Variants in TP73 observed in about 807,000 individuals in gnomAD.
TP73 encodes tumor protein p73, also known as p53-like transcription factor.
Under a neutral mutation model 62.5 loss-of-function variants are expected in TP73, and 25 were observed. The ratio of observed to expected loss-of-function variants is 0.40; its 90% confidence interval spans 0.29 to 0.56. The LOEUF (loss-of-function observed/expected upper bound fraction) is 0.56, where lower values mean the gene tolerates loss of function less well. Ranked by LOEUF, TP73 falls within the 20% of genes least tolerant of loss-of-function variation. The pLI, the probability that TP73 is intolerant of heterozygous loss-of-function variation, is 0.46. For missense variants in TP73, 754 were observed against 913.3 expected (o/e 0.83, Z 2.25); for synonymous variants, 423 against 377.5 (o/e 1.12, Z -1.40).
rs116847685 is a variant in TP73 at position 3,714,982 on chromosome 1, G to A, written c.430-7039G>A. 3.0e-4 allele frequency among the ~76,000 whole-genome samples: 46 copies of A among 152,354 alleles called. No homozygotes were observed. The East Asian group carries it at 7.1e-3, about 24-fold the overall frequency. ...AGTAGCAGCCACAGGGCACCCGCAC[G>A]CGGTCTCAGTGAATCAGGACAGCGG... On this transcript the variant is annotated intron_variant, in intron 4 of 13. Coordinates refer to ENST00000378295, the MANE Select transcript of TP73 (RefSeq NM_005427.4).
At chr1:3,690,500 C>A (rs912161463) in intron 3 of TP73, among the ~76,000 whole-genome samples, 2 of 152,220 alleles carry the variant, frequency 1.3e-5, no homozygotes, top group South Asian at 2.1e-4. Flanking sequence ...GGCAGCATCT[C>A]GGAAGGAGCC....
intron 3 of TP73, among the ~76,000 whole-genome samples, chr1:3,689,512 G>A (rs1286764838): frequency 1.3e-5 from 2 of 152,104 alleles, no homozygotes; most frequent in Admixed American, 1.3e-4. Flanking sequence ...TGCTGGTGGG[G>A]CAGGGCGGGT....
intron 1 of TP73, among the ~76,000 whole-genome samples, chr1:3,664,153 G>A (rs530870887): frequency 5.7e-4 from 87 of 152,318 alleles, no homozygotes; most frequent in African/African-American, 2.0e-3. Context: ...GTCTGGGCAC[G>A]GGCCCCTGGG....
At chr1:3,665,110 G>C (rs1645081842) in intron 1 of TP73, among the ~76,000 whole-genome samples, 1 of 152,180 alleles carries the variant, frequency 6.6e-6, no homozygotes. Context: ...TGCTATCACA[G>C]TCTTTGCCGG....
chr1:3,709,403 C>G (rs1028391278), intron 4 of TP73, among the ~76,000 whole-genome samples: 2 of 152,242 alleles, frequency 1.3e-5, no homozygotes, highest in African/African-American at 2.4e-5. Flanking sequence ...ACGCACCTTA[C>G]TGCACGATGG....
Position 3,719,909 on chromosome 1 carries a change from T to TGTGTGTGTGTGTTC in TP73, c.430-2100_430-2099insTCGTGTGTGTGTGT, listed in dbSNP as rs1553144507. On this transcript the variant is annotated intron_variant, in intron 4 of 13. Transcript: ENST00000378295. ...TTCTCTTTGTGTGTGTGTGTGTGTG[T>TGTGTGTGTGTGTTC]GTGTGTGTGTGTGTGTGTGTGTGTG... is the stretch of plus-strand genomic sequence containing the variant. Among the ~76,000 whole-genome samples the TGTGTGTGTGTGTTC allele has an allele frequency of 2.3e-3, 340 of 150,932 alleles. 1 individual carries two copies. Among genetic ancestry groups the TGTGTGTGTGTGTTC allele is most frequent in the African/African-American group, 8.0e-3 (328 of 40,968 alleles).
At chr1:3,658,287 CT>C (rs1342717576) in intron 1 of TP73, among the ~76,000 whole-genome samples, 3 of 152,216 alleles carry the variant, frequency 2.0e-5, no homozygotes, top group African/African-American at 7.2e-5. Context: ...GGAAAGTTGC[CT>C]CCCTCTTCCC....
chr1:3,666,744 C>T lies in TP73; in HGVS notation c.-34+14103C>T, dbSNP rs1028551749. 5.9e-5 allele frequency among the ~76,000 whole-genome samples: 9 copies of T among 152,098 alleles called. No individual in the cohort carries two copies. The highest frequency in any genetic ancestry group is 4.1e-4 in the South Asian group (2 of 4,830). ...CAGCTCGGAAGTGAGTAAGCATTGG[C>T]GGTGGGGATGGTGCTCTGAGCAGAC... On this transcript the variant is annotated intron_variant, in intron 1 of 13. Transcript: ENST00000378295. The surrounding 1 kb of genome is among the most constrained non-coding windows in gnomAD (Gnocchi z 6.4).
In TP73 at chr1:3,666,124, C is replaced by CAAAAA. The variant is rs59432695; in HGVS notation, c.-34+13506_-34+13510dup. Among the ~76,000 whole-genome samples the CAAAAA allele has an allele frequency of 1.9e-4, 8 of 41,078 alleles. No individual in the cohort carries two copies. Among genetic ancestry groups the CAAAAA allele is most frequent in the Admixed American group, 7.0e-4 (2 of 2,856 alleles). The allele number at this position is 41,078 out of a possible 152,430, so 26.9% of individuals were successfully genotyped here. A position where few individuals can be genotyped will look rare whatever the true frequency, so the allele number is the denominator to read the frequency against. ...GGGCAACAAGAGCAAAACTCTGTCT[C>CAAAAA]AAAAAAAAAAAAAAAAAAAAAAAAA... On this transcript the variant is annotated intron_variant, in intron 1 of 13. Transcript: ENST00000378295. This position sits in a 1 kb window ranked among gnomAD's most constrained non-coding sequence, Gnocchi z 6.4.
chr1:3,674,582 C>A (rs1221256931), intron 1 of TP73, among the ~76,000 whole-genome samples: 1 of 152,344 alleles, frequency 6.6e-6, no homozygotes, highest in East Asian at 1.9e-4. Flanking sequence ...CCCATCGTAC[C>A]CACAGAGGGA....
chr1:3,682,798 T>C (rs1405608118), intron 2 of TP73, among the ~76,000 whole-genome samples: 1 of 152,168 alleles, frequency 6.6e-6, no homozygotes, highest in Non-Finnish European at 1.5e-5. Flanking sequence ...TCAGACTCTT[T>C]TCTCTGGCCA....
rs374235190 is a variant in TP73 at position 3,682,306 on chromosome 1, T to C, written c.-33-27T>C. 2.5e-5 allele frequency: 36 copies of C among 1,429,814 alleles called. No homozygotes were observed. The South Asian group carries it at 5.1e-4, about 20-fold the overall frequency. 88.6% of individuals were successfully genotyped at this position (1,429,814 alleles called of 1,614,324 possible). On this transcript the variant is annotated intron_variant, in intron 1 of 13. Transcript: ENST00000378295. Reference sequence around the variant, plus strand: ...GACAGAGCACGAGTTCCCAGGGTGCTCAGGTGTCATTCCTTCCTTCCTGCA... The same window carrying C: ...GACAGAGCACGAGTTCCCAGGGTGCCCAGGTGTCATTCCTTCCTTCCTGCA...
intron 3 of TP73, chr1:3,691,018 A>C (rs1193386697): frequency 6.5e-7 from 1 of 1,543,660 alleles, no homozygotes; most frequent in Non-Finnish European, 8.8e-7. Flanking sequence ...TAGGGTTCAG[A>C]GGGGCATCCT....
rs768562905 is a variant in TP73 at position 3,683,100 on chromosome 1, C to G, written c.106C>G (p.Arg36Gly). 6.2e-7 allele frequency: 1 copy of G among 1,612,250 alleles called. No homozygotes were observed. Among genetic ancestry groups the G allele is most frequent in the African/African-American group, 1.3e-5 (1 of 75,020 alleles). Residue 36 changes from arginine (R) to glycine (G), a missense_variant, in exon 3 of 14, where the codon CGG becomes GGG. Physicochemically the swap from Arg to Gly is moderately radical, Grantham distance 125. Around this residue, in one of 3 missense-constraint regions of TP73, gnomAD observed 235 missense variants for 251.4 expected, o/e 0.93. Coordinates refer to ENST00000378295, the MANE Select transcript of TP73 (RefSeq NM_005427.4). The stretch of plus-strand genomic sequence containing the variant: ...CTACTTCGACCTTCCCCAGTCAAGC[C>G]GGGGGAATAATGAGGTGGTGGGCGG... Reference protein sequence around the residue: ...STYFDLPQSSRGNNEVVGGTD... With the variant: ...STYFDLPQSSGGNNEVVGGTD...
rs1033119768 is a variant in TP73, at chr1:3,699,418, G to A, written c.187-8131G>A. ...AATATTCTCCAGGGAACGAGGACACGGACCTCCTTGTTCTACAAGAGCTGG... is the reference window on the plus strand; with the variant it reads ...AATATTCTCCAGGGAACGAGGACACAGACCTCCTTGTTCTACAAGAGCTGG... On this transcript the variant is annotated intron_variant, in intron 3 of 13. Coordinates refer to ENST00000378295, the MANE Select transcript of TP73 (RefSeq NM_005427.4). This position sits in a 1 kb window ranked among gnomAD's most constrained non-coding sequence, Gnocchi z 4.1. Among the ~76,000 whole-genome samples, 3 of 152,132 alleles carry A rather than the reference G, an allele frequency of 2.0e-5. No homozygotes were observed. Among genetic ancestry groups the A allele is most frequent in the Non-Finnish European group, 4.4e-5 (3 of 68,024 alleles).
chr1:3,676,969 A>G (rs752750563), intron 1 of TP73, among the ~76,000 whole-genome samples: 20 of 151,350 alleles, frequency 1.3e-4, no homozygotes, highest in Non-Finnish European at 2.4e-4. Flanking sequence ...ATGTCCCCAC[A>G]TGGGAATATC....
chr1:3,676,841 G>A (rs1222425172), intron 1 of TP73, among the ~76,000 whole-genome samples: 2 of 151,792 alleles, frequency 1.3e-5, no homozygotes, highest in African/African-American at 4.8e-5. Flanking sequence ...TCTCCGCCAC[G>A]GCCCCGACAG....
chr1:3,678,085 C>T (rs1278857334), intron 1 of TP73, among the ~76,000 whole-genome samples: 3 of 152,198 alleles, frequency 2.0e-5, no homozygotes, highest in Admixed American at 6.5e-5. Flanking sequence ...GATAAAACTT[C>T]CTAAAGATGT....
At chr1:3,668,147 G>T (rs958845355) in intron 1 of TP73, among the ~76,000 whole-genome samples, 3 of 152,226 alleles carry the variant, frequency 2.0e-5, no homozygotes, top group African/African-American at 7.2e-5. Flanking sequence ...TATGAACTAG[G>T]GGTGGGGGAG....
Sources: gnomAD v4.1 joint callset for allele counts (sites outside exome capture counted in the v4.1 genomes callset) on GRCh38, gnomAD v4.1.1 for gene constraint, gnomAD v4.1.1 regional missense constraint, Gnocchi (gnomAD v3.1) non-coding constraint, MANE v1.5 for transcripts, NCBI Gene and HGNC (gene_info 2026-07-23, HGNC 2026-07-21) for gene names.